CAMKK2: variants seen among roughly 807,000 people sequenced by gnomAD.
CAMKK2 encodes the protein calcium/calmodulin-dependent protein kinase kinase 2.
Under a neutral mutation model 67.2 loss-of-function variants are expected in CAMKK2, and 30 were observed. The ratio of observed to expected loss-of-function variants is 0.45; its 90% confidence interval spans 0.33 to 0.61. The LOEUF is 0.61. Among genes scored for constraint, CAMKK2 ranks in the 20% least tolerant of loss-of-function variants. The pLI is 0.02. For synonymous variants in CAMKK2, 322 were observed against 326.2 expected (o/e 0.99, Z 0.14); for missense variants, 643 against 802.0 (o/e 0.80, Z 2.39).
At chr12:121,272,497 G>A (rs150704372) in intron 2 of CAMKK2, among the ~76,000 whole-genome samples, 2 of 151,902 alleles carry the variant, frequency 1.3e-5, no homozygotes, top group African/African-American at 4.8e-5. Context: ...AACTCTCCAG[G>A]GCCCAATTTT....
At chr12:121,254,413 G>A (rs547815654) in intron 9 of CAMKK2, among the ~76,000 whole-genome samples, 24 of 152,120 alleles carry the variant, frequency 1.6e-4, no homozygotes, top group Admixed American at 3.9e-4. Context: ...ACCTGAGATC[G>A]CGCCACTGCA....
rs1891176403 is a variant in CAMKK2 at position 121,253,353 on chromosome 12, G to A, written c.1027C>T (p.Leu343Phe). Residue 343 changes from leucine to phenylalanine, a missense_variant, in exon 10 of 17, where the codon CTC becomes TTC. By Grantham distance (22) the Leu-to-Phe change is conservative. Coordinates refer to ENST00000404169, the MANE Select transcript of CAMKK2 (RefSeq NM_001270485.2). The surrounding 1 kb of genome is among the most constrained non-coding windows in gnomAD (Gnocchi z 5.0). Reference protein sequence around the residue: ...VSNEFKGSDALLSNTVGTPAF... With the variant: ...VSNEFKGSDAFLSNTVGTPAF... ...GGCGTGCCCACGGTGTTGGAGAGGAGCGCGTCACTGCCCTTGAATTCATTG... is the reference window on the plus strand; with the variant it reads ...GGCGTGCCCACGGTGTTGGAGAGGAACGCGTCACTGCCCTTGAATTCATTG... 4 of 1,614,072 alleles carry A rather than the reference G, an allele frequency of 2.5e-6. No homozygotes were observed. The South Asian group carries it at 3.3e-5, about 13-fold the overall frequency.
At position 121,263,900 on chromosome 12, in the gene CAMKK2, C is replaced by A. The variant is rs200150673; in HGVS notation, c.665G>T (p.Gly222Val). The change falls in exon 6 of 17, where the codon GGC becomes GTC. Residue 222 changes from glycine (G) to valine (V), a missense_variant. Transcript: ENST00000404169. Reference protein sequence around the residue: ...PPRGTRPAPGGCIQPRGPIEQ... With the variant: ...PPRGTRPAPGVCIQPRGPIEQ... ...AATGGGGCCCCTGGGCTGGATGCAG[C>A]CTCCAGGAGCTGGCCGGGTGCCTCG... 1.1e-5 allele frequency: 18 copies of A among 1,608,750 alleles called. No homozygotes were observed. Among genetic ancestry groups the A allele is most frequent in the Non-Finnish European group, 1.5e-5 (18 of 1,176,174 alleles).
chr12:121,286,361 C>T (rs1157566314), intron 1 of CAMKK2, among the ~76,000 whole-genome samples: 1 of 152,206 alleles, frequency 6.6e-6, no homozygotes, highest in Admixed American at 6.5e-5. Context: ...CAGGGAAGGG[C>T]TGATGAACAG....
In CAMKK2 at chr12:121,245,285, T is replaced by A; in HGVS notation, c.1453-45A>T. 8.0e-7 allele frequency: 1 copy of A among 1,245,132 alleles called. No homozygotes were observed. Among genetic ancestry groups the A allele is most frequent in the Non-Finnish European group, 1.2e-6 (1 of 864,434 alleles). 77.1% of individuals were successfully genotyped at this position (1,245,132 alleles called of 1,614,324 possible). ...GAGGTGGCAGGCAACTGCTTGGCCA[T>A]GTGGGGGCGATTCTGGGCAACATCC... On this transcript the variant is annotated intron_variant, in intron 14 of 16. Transcript: ENST00000404169. This position sits in a 1 kb window ranked among gnomAD's most constrained non-coding sequence, Gnocchi z 5.8.
At chr12:121,286,457 T>C (rs913811905) in intron 1 of CAMKK2, among the ~76,000 whole-genome samples, 3 of 152,252 alleles carry the variant, frequency 2.0e-5, no homozygotes, top group Non-Finnish European at 2.9e-5. Flanking sequence ...TCTTGAGTGC[T>C]TGGCACTCTT....
rs1653586 is a variant in CAMKK2 at position 121,237,772 on chromosome 12, G to T, written c.*2927C>A. ...GTGGAAAAACACGAAAGGCTTAGTT[G>T]TCTCTTAAGTTCATGTACTTTTTAG... is the stretch of plus-strand genomic sequence containing the variant. On this transcript the variant is annotated 3_prime_UTR_variant, in exon 17 of 17. Transcript: ENST00000404169. This position sits in a 1 kb window ranked among gnomAD's most constrained non-coding sequence, Gnocchi z 4.5. 0.066 allele frequency: 10,108 copies of T among 152,658 alleles called. 375 individuals carry two copies. The highest frequency in any genetic ancestry group is 0.12 in the South Asian group (573 of 4,826). 9.5% of individuals were successfully genotyped at this position (152,658 alleles called of 1,614,324 possible).
intron 4 of CAMKK2, among the ~76,000 whole-genome samples, 162 bp from the exon 5 acceptor site, chr12:121,268,851 G>A (rs1895163299): frequency 2.0e-5 from 3 of 152,196 alleles, no homozygotes; most frequent in Admixed American, 6.5e-5. Flanking sequence ...CATTACCAGA[G>A]AGGGTCAAGC....
chr12:121,292,832 G>A (rs1900335417), intron 1 of CAMKK2, among the ~76,000 whole-genome samples: 3 of 152,024 alleles, frequency 2.0e-5, no homozygotes, highest in Non-Finnish European at 2.9e-5. Flanking sequence ...AGCCAGGCAT[G>A]GTGGCATGCA....
intron 14 of CAMKK2, among the ~76,000 whole-genome samples, chr12:121,247,459 G>C (rs1040534578): frequency 6.6e-6 from 1 of 152,236 alleles, no homozygotes; most frequent in Non-Finnish European, 1.5e-5. Context: ...ACCCAGGAAG[G>C]AAAGGGAGGG....
At chr12:121,256,421 A>G (rs1377840281) in intron 7 of CAMKK2, among the ~76,000 whole-genome samples, 1 of 152,180 alleles carries the variant, frequency 6.6e-6, no homozygotes, top group African/African-American at 2.4e-5. Flanking sequence ...ACATAAAATT[A>G]CCCATTTTAA....
intron 16 of CAMKK2, among the ~76,000 whole-genome samples, chr12:121,242,351 A>G (rs909610592): frequency 1.3e-5 from 2 of 151,430 alleles, no homozygotes; most frequent in African/African-American, 2.4e-5. Context: ...TCAAAAAAAA[A>G]AAAGAAAGAA....
intron 7 of CAMKK2, among the ~76,000 whole-genome samples, chr12:121,257,164 AT>A (rs775685410): frequency 2.0e-4 from 31 of 152,244 alleles, no homozygotes; most frequent in Middle Eastern, 3.4e-3. Context: ...TGATGGGATT[AT>A]TATGCACTGC....
At position 121,274,519 on chromosome 12, in the gene CAMKK2, G is replaced by A; in HGVS notation, c.8C>T (p.Ser3Leu). The A allele has an allele frequency of 6.2e-7, 1 of 1,610,042 alleles. No homozygotes were observed. The highest frequency in any genetic ancestry group is 8.5e-7 in the Non-Finnish European group (1 of 1,178,988). Residue 3 changes from serine (S) to leucine (L), a missense_variant, in exon 2 of 17, where the codon TCA (serine) becomes TTA (leucine). Around this residue, in one of 3 missense-constraint regions of CAMKK2, gnomAD observed 483 missense variants for 625.8 expected, o/e 0.77. Transcript: ENST00000404169. Reference protein sequence around the residue: MSSCVSSQPSSNR... With the variant: MSLCVSSQPSSNR... ...GCTGCTGGGCTGGCTAGAGACACAT[G>A]ATGACATGGTGCATGCGCCAGCTTC... is the stretch of plus-strand genomic sequence containing the variant.
In CAMKK2 at chr12:121,270,882, C is replaced by T; in HGVS notation, c.519+16G>A. ...TGGTGAATGCAGAAAGCCAGCCTAG[C>T]CCCAGGGATATTTACCTTTCCAATT... is the stretch of plus-strand genomic sequence containing the variant. On this transcript the variant is annotated intron_variant, in intron 3 of 16. Coordinates refer to ENST00000404169, the MANE Select transcript of CAMKK2 (RefSeq NM_001270485.2). The T allele has an allele frequency of 1.9e-6, 3 of 1,608,782 alleles. No individual in the cohort carries two copies. The highest frequency in any genetic ancestry group is 2.6e-6 in the Non-Finnish European group (3 of 1,175,236).
chr12:121,277,250 G>A (rs1472886790), intron 1 of CAMKK2, among the ~76,000 whole-genome samples: 1 of 152,206 alleles, frequency 6.6e-6, no homozygotes, highest in Non-Finnish European at 1.5e-5. Context: ...ACGCCAAAGA[G>A]TCCAATCATG....
chr12:121,289,067 C>T (rs1210911525), intron 1 of CAMKK2, among the ~76,000 whole-genome samples: 1 of 152,030 alleles, frequency 6.6e-6, no homozygotes, highest in African/African-American at 2.4e-5. Context: ...AGCACCAATC[C>T]CCCCACCCCA....
At chr12:121,268,778 T>C in intron 4 of CAMKK2, 89 bp from the exon 5 acceptor site, 1 of 1,284,456 alleles carries the variant, frequency 7.8e-7, no homozygotes, top group East Asian at 2.3e-5. Context: ...GGGGTTCCTC[T>C]ACTCCAAAGC....
chr12:121,286,126 GTGA>G (rs1484068174), intron 1 of CAMKK2, among the ~76,000 whole-genome samples: 2 of 152,086 alleles, frequency 1.3e-5, no homozygotes, highest in African/African-American at 4.8e-5. Context: ...AAGCTATTTC[GTGA>G]TTAGTTTTCC....
Sources: allele counts gnomAD v4.1 joint callset (sites outside exome capture counted in the v4.1 genomes callset), GRCh38; gene constraint gnomAD v4.1.1; regional missense constraint gnomAD v4.1.1; non-coding constraint Gnocchi (gnomAD v3.1); transcripts MANE v1.5; gene names NCBI Gene and HGNC (gene_info 2026-07-23, HGNC 2026-07-21).